NPAS3: variants seen among roughly 807,000 people sequenced by gnomAD.
The protein encoded by NPAS3 is neuronal PAS domain protein 3, also known as neuronal PAS domain-containing protein 3.
Under a neutral mutation model 73.1 loss-of-function variants are expected in NPAS3, and 14 were observed. The ratio of observed to expected loss-of-function variants is 0.19; its 90% CI spans 0.13 to 0.30. NPAS3 has a LOEUF of 0.30. Ranked by LOEUF, NPAS3 falls within the 10% of genes least tolerant of loss-of-function variation. The pLI, the probability that NPAS3 is intolerant of heterozygous loss-of-function variation, is 1.00. For missense variants in NPAS3, 1,096 were observed against 1,250.0 expected, an observed-to-expected ratio of 0.88 and a Z score of 1.86; for synonymous variants, 620 against 541.5, an observed-to-expected ratio of 1.14 and a Z score of -2.01.
intron 5 of NPAS3, among the ~76,000 whole-genome samples, chr14:33,632,411 A>G (rs2058403728): frequency 6.6e-6 from 1 of 152,180 alleles, no homozygotes. Context: ...AAGACATTAG[A>G]AACAAGGGAA....
intron 6 of NPAS3, among the ~76,000 whole-genome samples, chr14:33,684,630 C>T (rs760903222): frequency 2.0e-4 from 30 of 152,210 alleles, no homozygotes; most frequent in Non-Finnish European, 3.8e-4. Context: ...TAAACTCATA[C>T]CACAGTGATC....
intron 2 of NPAS3, among the ~76,000 whole-genome samples, chr14:33,156,785 T>G (rs2044662788): frequency 6.6e-6 from 1 of 152,322 alleles, no homozygotes; most frequent in South Asian, 2.1e-4. Context: ...TTTTGCATTT[T>G]AGTTCTCAGA....
At position 33,369,227 on chromosome 14, in the gene NPAS3, A is replaced by C. The variant is rs530135942; in HGVS notation, c.468+1959A>C. Among the ~76,000 whole-genome samples the C allele has an allele frequency of 1.7e-4, 26 of 152,192 alleles. No individual in the cohort carries two copies. In the East Asian group the frequency reaches 4.1e-3, roughly 24 times the overall value. On this transcript the variant is annotated intron_variant, in intron 4 of 11. Coordinates refer to ENST00000356141, the Ensembl canonical transcript of NPAS3. ...TCAGACACCACACTATGGTTGCATC[A>C]GCTGTCACACCGACCTAGACAGCTG...
chr14:33,636,734 A>C (rs2058528586), intron 5 of NPAS3, among the ~76,000 whole-genome samples: 1 of 152,202 alleles, frequency 6.6e-6, no homozygotes, highest in Non-Finnish European at 1.5e-5. Flanking sequence ...CACGGCTGTG[A>C]AATTCCAGAA....
In NPAS3 at chr14:33,687,894, A is replaced by T. The variant is rs911091814; in HGVS notation, c.733+11509A>T. The stretch of plus-strand genomic sequence containing the variant: ...ACCACCTCCCAATAGGAGTCAAAAA[A>T]TTTTCTGCAGAAAGATTCAGTTAAT... On this transcript the variant is annotated intron_variant, in intron 6 of 11. Coordinates refer to ENST00000356141, the Ensembl canonical transcript of NPAS3. Among the ~76,000 whole-genome samples the T allele has an allele frequency of 1.3e-4, 20 of 152,158 alleles. 1 individual carries two copies. The highest frequency in any genetic ancestry group is 1.0e-3 in the South Asian group (5 of 4,824).
intron 3 of NPAS3, among the ~76,000 whole-genome samples, chr14:33,250,762 A>C: frequency 6.6e-6 from 1 of 151,626 alleles, no homozygotes; most frequent in East Asian, 1.9e-4. Context: ...TTGGTGTTTG[A>C]AGTATAGGAA....
At chr14:33,293,788 T>C (rs1398143988) in intron 3 of NPAS3, among the ~76,000 whole-genome samples, 1 of 152,230 alleles carries the variant, frequency 6.6e-6, no homozygotes, top group Non-Finnish European at 1.5e-5. Context: ...AAAATAATAC[T>C]AATTTTACTT....
chr14:33,756,335 A>G lies in NPAS3; in HGVS notation c.853-18002A>G, dbSNP rs185136156. Among the ~76,000 whole-genome samples, 31 of 152,308 alleles carry G rather than the reference A, an allele frequency of 2.0e-4. No homozygotes were observed. The East Asian group carries it at 4.4e-3, about 22-fold the overall frequency. On this transcript the variant is annotated intron_variant, in intron 7 of 11. Transcript: ENST00000356141. ...TCCCAGTTGGGTGGATTCTTGCAGT[A>G]CCCAGTTGTATTCACGAAGTAACTA... is the stretch of plus-strand genomic sequence containing the variant.
chr14:33,775,647 G>A (rs1172515642), intron 8 of NPAS3, among the ~76,000 whole-genome samples: 1 of 152,152 alleles, frequency 6.6e-6, no homozygotes, highest in Non-Finnish European at 1.5e-5. Flanking sequence ...CAATAGGGTG[G>A]AAGATCTCAT....
intron 4 of NPAS3, among the ~76,000 whole-genome samples, chr14:33,378,577 A>C (rs2046403258): frequency 6.6e-6 from 1 of 152,276 alleles, no homozygotes; most frequent in South Asian, 2.1e-4. Context: ...TAGAGACTGC[A>C]GTGAGCCAGG....
chr14:33,051,475 G>C (rs894962163), intron 1 of NPAS3, among the ~76,000 whole-genome samples: 2 of 152,084 alleles, frequency 1.3e-5, no homozygotes, highest in Non-Finnish European at 2.9e-5. Context: ...ACACACCACA[G>C]ACCCTGTTTC....
In NPAS3 at chr14:33,441,693, T is replaced by G. The variant is rs959760844; in HGVS notation, c.468+74425T>G. ...TTCTGATGCTGCTAATAAAGACATA[T>G]CCGAGACTGGATAATTTATAAAGGA... On this transcript the variant is annotated intron_variant, in intron 4 of 11. Coordinates refer to ENST00000356141, the Ensembl canonical transcript of NPAS3. Among the ~76,000 whole-genome samples the G allele has an allele frequency of 3.4e-4, 52 of 152,194 alleles. 1 individual carries two copies. The highest frequency in any genetic ancestry group is 1.9e-4 in the East Asian group (1 of 5,204).
chr14:33,482,083 G>A (rs2139718786), intron 4 of NPAS3, among the ~76,000 whole-genome samples: 1 of 147,718 alleles, frequency 6.8e-6, no homozygotes, highest in South Asian at 2.1e-4. Context: ...AGATACCCGT[G>A]CAACCTCACA....
At chr14:33,199,005 C>A (rs1012963890) in intron 2 of NPAS3, among the ~76,000 whole-genome samples, 2 of 152,178 alleles carry the variant, frequency 1.3e-5, no homozygotes, top group African/African-American at 2.4e-5. Context: ...TGTCCGTGGC[C>A]GGCGGTGCCG....
At chr14:33,705,399 T>A (rs1373957721) in intron 6 of NPAS3, among the ~76,000 whole-genome samples, 1 of 152,234 alleles carries the variant, frequency 6.6e-6, no homozygotes, top group Non-Finnish European at 1.5e-5. Context: ...AATGAAGATA[T>A]GTTGCTAACC....
At chr14:33,058,890 A>G (rs1337969547) in intron 2 of NPAS3, among the ~76,000 whole-genome samples, 1 of 152,198 alleles carries the variant, frequency 6.6e-6, no homozygotes, top group Non-Finnish European at 1.5e-5. Context: ...CTTTGTGTTC[A>G]GGGTACACTG....
intron 2 of NPAS3, among the ~76,000 whole-genome samples, chr14:33,068,172 A>T (rs1390313274): frequency 6.6e-6 from 1 of 152,234 alleles, no homozygotes; most frequent in Admixed American, 6.5e-5. Flanking sequence ...TGTTTCTAAC[A>T]TATTTTCCTG....
At chr14:33,129,663 A>G (rs1268033571) in intron 2 of NPAS3, among the ~76,000 whole-genome samples, 1 of 152,188 alleles carries the variant, frequency 6.6e-6, no homozygotes, top group Non-Finnish European at 1.5e-5. Context: ...CAGTTATGGC[A>G]GTAGTGAATA....
At chr14:33,646,747 G>A (rs963694130) in intron 5 of NPAS3, among the ~76,000 whole-genome samples, 1 of 152,196 alleles carries the variant, frequency 6.6e-6, no homozygotes, top group Non-Finnish European at 1.5e-5. Flanking sequence ...TTTGGTGCCT[G>A]TGAGCTAGCA....
Sources: gnomAD v4.1 joint callset for allele counts (sites outside exome capture counted in the v4.1 genomes callset) on GRCh38, gnomAD v4.1.1 for gene constraint, MANE v1.5 for transcripts, NCBI Gene and HGNC (gene_info 2026-07-23, HGNC 2026-07-21) for gene names.